Variants in RORA observed in about 807,000 individuals in gnomAD.
RORA encodes RAR related orphan receptor A, also known as nuclear receptor ROR-alpha.
In RORA, 7 loss-of-function variants were observed where a neutral mutation model predicts 69.5. The observed-to-expected ratio is 0.10, with a 90% CI of 0.06 to 0.19. The LOEUF (loss-of-function observed/expected upper bound fraction) is 0.19, where lower values mean the gene tolerates loss of function less well. Ranked by LOEUF, RORA falls within the 10% of genes least tolerant of loss-of-function variation. The pLI is 1.00. For synonymous variants in RORA, 261 were observed against 240.8 expected, an observed-to-expected ratio of 1.08 and a Z score of -0.78; for missense variants, 457 against 663.0, an observed-to-expected ratio of 0.69 and a Z score of 3.41.
chr15:60,925,757 C>T (rs551229973), intron 1 of RORA, among the ~76,000 whole-genome samples: 1 of 152,334 alleles, frequency 6.6e-6, no homozygotes, highest in Admixed American at 6.5e-5. Context: ...TCCTTCCTGC[C>T]CAGATGCCAC....
chr15:60,851,881 T>A (rs1412480191), intron 1 of RORA, among the ~76,000 whole-genome samples: 1 of 152,088 alleles, frequency 6.6e-6, no homozygotes, highest in Non-Finnish European at 1.5e-5. Flanking sequence ...GATCACTGGA[T>A]GGTTCTGAGG....
At chr15:60,691,473 A>G (rs986415521) in intron 1 of RORA, among the ~76,000 whole-genome samples, 1 of 152,216 alleles carries the variant, frequency 6.6e-6, no homozygotes, top group Non-Finnish European at 1.5e-5. Context: ...TGTTAAGTGA[A>G]TGAAGTTGAC....
At chr15:61,008,606 T>C (rs1894994308) in intron 1 of RORA, among the ~76,000 whole-genome samples, 1 of 152,186 alleles carries the variant, frequency 6.6e-6, no homozygotes, top group Non-Finnish European at 1.5e-5. Flanking sequence ...AGGTCATTTA[T>C]GCTATCATTT....
intron 1 of RORA, among the ~76,000 whole-genome samples, chr15:60,751,272 G>A (rs1285684452): frequency 6.6e-6 from 1 of 152,128 alleles, no homozygotes; most frequent in African/African-American, 2.4e-5. Context: ...GATTACTTAT[G>A]GCAAATAACA....
rs138820294 is a variant in RORA at position 60,733,451 on chromosome 15, A to G, written c.167-54765T>C. On this transcript the variant is annotated intron_variant, in intron 1 of 10. Transcript: ENST00000335670. ...TGCCAGACTTCACTGAAGAGTGAGCAGTGTTACTGTGAGATACCAAGGAAA... is the reference window on the plus strand; with the variant it reads ...TGCCAGACTTCACTGAAGAGTGAGCGGTGTTACTGTGAGATACCAAGGAAA... Among the ~76,000 whole-genome samples, 8 of 152,354 alleles carry G rather than the reference A, an allele frequency of 5.3e-5. No individual in the cohort carries two copies. In the East Asian group the frequency reaches 1.4e-3, roughly 26 times the overall value.
At chr15:60,735,067 C>G (rs2071480191) in intron 1 of RORA, among the ~76,000 whole-genome samples, 1 of 152,172 alleles carries the variant, frequency 6.6e-6, no homozygotes, top group African/African-American at 2.4e-5. Context: ...TACAAAGCAT[C>G]AGAGAGCAAA....
chr15:61,093,329 T>C (rs1393512926), intron 1 of RORA, among the ~76,000 whole-genome samples: 1 of 152,222 alleles, frequency 6.6e-6, no homozygotes, highest in Non-Finnish European at 1.5e-5. Context: ...AAAGTTTCCC[T>C]AAGACAGAGC....
At chr15:60,872,617 T>A (rs1367931155) in intron 1 of RORA, among the ~76,000 whole-genome samples, 1 of 152,146 alleles carries the variant, frequency 6.6e-6, no homozygotes, top group Non-Finnish European at 1.5e-5. Context: ...ACTGAAGAGG[T>A]GGTTCATACA....
At chr15:60,779,300 A>G (rs1053091140) in intron 1 of RORA, among the ~76,000 whole-genome samples, 4 of 152,078 alleles carry the variant, frequency 2.6e-5, no homozygotes, top group African/African-American at 9.7e-5. Context: ...ATCTTTTTGC[A>G]TCCTCAGTTT....
At chr15:60,945,678 G>A (rs1037488121) in intron 1 of RORA, among the ~76,000 whole-genome samples, 2 of 152,144 alleles carry the variant, frequency 1.3e-5, no homozygotes, top group African/African-American at 4.8e-5. Flanking sequence ...TTTGGAAAAG[G>A]GAAAATAATT....
Position 61,128,059 on chromosome 15 carries a change from C to A in RORA, c.166+100994G>T, listed in dbSNP as rs546260405. Among the ~76,000 whole-genome samples, 16 of 152,124 alleles carry A rather than the reference C, an allele frequency of 1.1e-4. No homozygotes were observed. Among genetic ancestry groups the A allele is most frequent in the African/African-American group, 3.9e-4 (16 of 41,514 alleles). The stretch of plus-strand genomic sequence containing the variant: ...GGATTTTAAATCTGGAGGAAAAAAA[C>A]AAGGGAAGGAGAAAGGGAGGGAAAA... On this transcript the variant is annotated intron_variant, in intron 1 of 10. Coordinates refer to ENST00000335670, the MANE Select transcript of RORA (RefSeq NM_134261.3). This position sits in a 1 kb window ranked among gnomAD's most constrained non-coding sequence, Gnocchi z 4.5.
At chr15:61,049,607 G>A (rs573041506) in intron 1 of RORA, among the ~76,000 whole-genome samples, 3 of 152,222 alleles carry the variant, frequency 2.0e-5, no homozygotes, top group East Asian at 1.9e-4. Context: ...CCACACTTAC[G>A]GAAGTGGGGA....
intron 1 of RORA, among the ~76,000 whole-genome samples, chr15:61,079,530 C>T (rs2078506398): frequency 1.3e-5 from 2 of 152,150 alleles, no homozygotes; most frequent in South Asian, 2.1e-4. Context: ...GTAGCTACGT[C>T]GACTAGTTCA....
intron 2 of RORA, among the ~76,000 whole-genome samples, chr15:60,667,370 T>G (rs2070395850): frequency 6.6e-6 from 1 of 152,128 alleles, no homozygotes; most frequent in Non-Finnish European, 1.5e-5. Flanking sequence ...CTGTGTTGCT[T>G]GTTGAGAATG....
intron 2 of RORA, among the ~76,000 whole-genome samples, chr15:60,626,942 T>C (rs540455065): frequency 2.0e-5 from 3 of 152,274 alleles, no homozygotes; most frequent in African/African-American, 7.2e-5. Flanking sequence ...GCTGCCTACC[T>C]GCCTCCTCCT....
chr15:60,849,797 G>C (rs1032109912), intron 1 of RORA, among the ~76,000 whole-genome samples: 1 of 152,176 alleles, frequency 6.6e-6, no homozygotes, highest in African/African-American at 2.4e-5. Context: ...TGTTGAGGAG[G>C]TGGGATTTCA....
At chr15:60,806,712 GA>G (rs2072664577) in intron 1 of RORA, among the ~76,000 whole-genome samples, 2 of 152,178 alleles carry the variant, frequency 1.3e-5, no homozygotes, top group South Asian at 4.2e-4. Flanking sequence ...GTGAGTTAAG[GA>G]CCAGTAGGTT....
intron 1 of RORA, among the ~76,000 whole-genome samples, chr15:60,965,797 C>T (rs1893540205): frequency 6.6e-6 from 1 of 152,134 alleles, no homozygotes; most frequent in African/African-American, 2.4e-5. Flanking sequence ...CAACCTCTTT[C>T]TCTACTCAAA....
In RORA at chr15:61,187,303, G is replaced by T. The variant is rs1055899599; in HGVS notation, c.166+41750C>A. On this transcript the variant is annotated intron_variant, in intron 1 of 10. Transcript: ENST00000335670. ...GTTCCCCAACATGTACAGGCGGCCCGCCAGGCCCAAGTGGGGAACGGAGAA... is the reference window on the plus strand; with the variant it reads ...GTTCCCCAACATGTACAGGCGGCCCTCCAGGCCCAAGTGGGGAACGGAGAA... Among the ~76,000 whole-genome samples, 3 of 152,254 alleles carry T rather than the reference G, an allele frequency of 2.0e-5. No homozygotes were observed. The South Asian group carries it at 6.2e-4, about 32-fold the overall frequency.
Sources: gnomAD v4.1 joint callset for allele counts (sites outside exome capture counted in the v4.1 genomes callset) on GRCh38, gnomAD v4.1.1 for gene constraint, Gnocchi (gnomAD v3.1) non-coding constraint, MANE v1.5 for transcripts, NCBI Gene and HGNC (gene_info 2026-07-23, HGNC 2026-07-21) for gene names.